VGLL4: variants seen among roughly 807,000 people sequenced by gnomAD.
VGLL4 encodes the protein vestigial like family member 4, also known as transcription cofactor vestigial-like protein 4.
In VGLL4, 7 loss-of-function variants were observed where a neutral mutation model predicts 21.0. The ratio of observed to expected loss-of-function variants is 0.33; its 90% CI spans 0.19 to 0.63. VGLL4 has a LOEUF of 0.63. VGLL4 is among the 20% of genes least tolerant of loss of function. The pLI is 0.78. For synonymous variants in VGLL4, 222 were observed against 173.2 expected (o/e 1.28, Z -2.21); for missense variants, 394 against 425.7 (o/e 0.93, Z 0.66).
rs1803489 is a variant in VGLL4, at chr3:11,643,483, C to T, written c.36G>A (p.Gln12=). ...TATTGTTGTTCATCTTGTCCAAGTA[C>T]TGATAGTTCAACAGGTCCATCTTCA... is the stretch of plus-strand genomic sequence containing the variant. The part of the protein sequence containing the change: ...LFMKMDLLNY[Q]YLDKMNNNIG... Residue 12 remains glutamine, a synonymous_variant, in exon 1 of 5, where the codon CAG becomes CAA. Coordinates refer to ENST00000430365, the MANE Select transcript of VGLL4 (RefSeq NM_001128219.3). 0.032 allele frequency: 52,198 copies of T among 1,613,804 alleles called. 3,064 individuals are homozygous for T. The highest frequency in any genetic ancestry group is 0.21 in the African/African-American group (16,018 of 74,932).
intron 2 of VGLL4, among the ~76,000 whole-genome samples, chr3:11,595,657 TA>T (rs1455242973): frequency 6.6e-6 from 1 of 152,032 alleles, no homozygotes. Context: ...TATGCAGCCA[TA>T]AAAAATGATG....
At chr3:11,592,242 T>C (rs1034446009) in intron 2 of VGLL4, among the ~76,000 whole-genome samples, 4 of 152,388 alleles carry the variant, frequency 2.6e-5, no homozygotes, top group East Asian at 1.9e-4. Flanking sequence ...AAGGTTACTA[T>C]TGGCTTGGGC....
chr3:11,621,234 A>G (rs945784116), intron 1 of VGLL4, among the ~76,000 whole-genome samples: 2 of 152,230 alleles, frequency 1.3e-5, no homozygotes, highest in South Asian at 2.1e-4. Context: ...CAATGTGTTT[A>G]TAATTGTGGG....
chr3:11,647,136 A>G (rs139664283), upstream of VGLL4, among the ~76,000 whole-genome samples: 1,398 of 152,324 alleles, frequency 9.2e-3, 8 homozygotes, highest in Non-Finnish European at 0.015. Flanking sequence ...GGCCAGCTAC[A>G]ACAGCCCGCC....
intron 2 of VGLL4, among the ~76,000 whole-genome samples, chr3:11,692,506 G>A (rs938470173): frequency 2.6e-5 from 4 of 152,144 alleles, no homozygotes; most frequent in African/African-American, 7.2e-5. Context: ...TGAAAGCGCC[G>A]ACTTTTAGAA....
chr3:11,625,935 G>A (rs1279128272), intron 1 of VGLL4, among the ~76,000 whole-genome samples: 1 of 152,086 alleles, frequency 6.6e-6, no homozygotes, highest in Non-Finnish European at 1.5e-5. Flanking sequence ...GTTTCTTCCG[G>A]GAGTGATGAA....
intron 2 of VGLL4, among the ~76,000 whole-genome samples, chr3:11,686,615 C>T (rs1230678101): frequency 6.6e-6 from 1 of 152,158 alleles, no homozygotes. Context: ...GTATTTAATA[C>T]CACTGAACTG....
At position 11,649,908 on chromosome 3, in the gene VGLL4, T is replaced by C. The variant is rs1384469945; in HGVS notation, c.65-47886A>G. On this transcript the variant is annotated intron_variant, in intron 2 of 5. Transcript: ENST00000273038. ...CACAAGTGCTCTATTTGGTTTGGTT[T>C]GGTTTGGTTTGGTTTGGTTTGGTTT... Among the ~76,000 whole-genome samples, 43 of 124,970 alleles carry C rather than the reference T, an allele frequency of 3.4e-4. No homozygotes were observed. In the South Asian group the frequency reaches 8.0e-3, roughly 23 times the overall value. 82.0% of individuals were successfully genotyped at this position (124,970 alleles called of 152,430 possible). A position where few individuals can be genotyped will look rare whatever the true frequency, so the allele number is the denominator to read the frequency against.
At chr3:11,666,248 CAAA>C (rs61052269) in intron 2 of VGLL4, among the ~76,000 whole-genome samples, 20 of 91,506 alleles carry the variant, frequency 2.2e-4, no homozygotes, top group Admixed American at 4.4e-4. Context: ...GACTGCGCCT[CAAA>C]AAAAAAAAAA....
At chr3:11,593,569 G>A (rs2074556028) in intron 2 of VGLL4, among the ~76,000 whole-genome samples, 1 of 142,520 alleles carries the variant, frequency 7.0e-6, no homozygotes, top group African/African-American at 2.7e-5. Flanking sequence ...ACAGGGCCAG[G>A]AAAAAACAAA....
chr3:11,716,384 G>C (rs1402419767), intron 1 of VGLL4, among the ~76,000 whole-genome samples: 9 of 151,772 alleles, frequency 5.9e-5, no homozygotes, highest in Admixed American at 5.9e-4. Context: ...TTTACAGCAT[G>C]AGAGCTCAAA....
At chr3:11,709,395 C>T (rs144638295) in intron 1 of VGLL4, among the ~76,000 whole-genome samples, 5 of 147,566 alleles carry the variant, frequency 3.4e-5, no homozygotes, top group African/African-American at 1.0e-4. Flanking sequence ...CGAGATTGCA[C>T]CATTGCACTC....
At chr3:11,591,453 G>GA (rs2074494106) in intron 2 of VGLL4, among the ~76,000 whole-genome samples, 1 of 152,272 alleles carries the variant, frequency 6.6e-6, no homozygotes, top group South Asian at 2.1e-4. Context: ...CGTTTGGCCA[G>GA]AAAAAATGCC....
At position 11,719,464 on chromosome 3, in the gene VGLL4, G is replaced by T. The variant is rs948401144; in HGVS notation, c.-14+930C>A. The T allele has an allele frequency of 6.6e-6, 1 of 151,352 alleles. No individual in the cohort carries two copies. The highest frequency in any genetic ancestry group is 1.5e-5 in the Non-Finnish European group (1 of 67,776). 9.4% of individuals were successfully genotyped at this position (151,352 alleles called of 1,614,324 possible). On this transcript the variant is annotated intron_variant, in intron 1 of 5. Transcript: ENST00000273038. The surrounding 1 kb of genome is among the most constrained non-coding windows in gnomAD (Gnocchi z 4.0). The stretch of plus-strand genomic sequence containing the variant: ...CCGCCTGGGGCCGGCCTGGCCCTGC[G>T]GGGGACCCAGGGGCGGGGACGGGAC...
chr3:11,594,597 C>G (rs920653719), intron 2 of VGLL4, among the ~76,000 whole-genome samples: 1 of 152,256 alleles, frequency 6.6e-6, no homozygotes, highest in African/African-American at 2.4e-5. Context: ...GAATGACTCT[C>G]ACAACCGATA....
chr3:11,609,277 G>A (rs1223353904), intron 1 of VGLL4, among the ~76,000 whole-genome samples: 1 of 152,142 alleles, frequency 6.6e-6, no homozygotes, highest in Non-Finnish European at 1.5e-5. Flanking sequence ...ATCTTCTAAA[G>A]TTAAGTTTCC....
At position 11,558,488 on chromosome 3, in the gene VGLL4, T is replaced by C; in HGVS notation, c.*68A>G. On this transcript the variant is annotated 3_prime_UTR_variant, in exon 5 of 5. Coordinates refer to ENST00000430365, the MANE Select transcript of VGLL4 (RefSeq NM_001128219.3). ...CCCACCCCCATGATTTTTTTTTTTTTAAGTACTGACTGTTCAAAGCTCAGG... is the reference window on the plus strand; with the variant it reads ...CCCACCCCCATGATTTTTTTTTTTTCAAGTACTGACTGTTCAAAGCTCAGG... 5.4e-6 allele frequency: 8 copies of C among 1,483,586 alleles called. No individual in the cohort carries two copies. The highest frequency in any genetic ancestry group is 7.2e-6 in the Non-Finnish European group (8 of 1,113,302). The allele number at this position is 1,483,586 out of a possible 1,614,324, so 91.9% of individuals were successfully genotyped here.
intron 1 of VGLL4, among the ~76,000 whole-genome samples, chr3:11,711,304 C>G (rs1341679971): frequency 6.6e-6 from 1 of 152,082 alleles, no homozygotes; most frequent in South Asian, 2.1e-4. Context: ...CTTTGGGAGG[C>G]TGAGGCGGGC....
intron 2 of VGLL4, among the ~76,000 whole-genome samples, chr3:11,673,882 G>A (rs960527036): frequency 4.6e-5 from 7 of 151,758 alleles, no homozygotes; most frequent in South Asian, 2.1e-4. Context: ...GCGTGGTAGC[G>A]GCGCCTATAA....
Sources: gnomAD v4.1 joint callset for allele counts (sites outside exome capture counted in the v4.1 genomes callset) on GRCh38, gnomAD v4.1.1 for gene constraint, Gnocchi (gnomAD v3.1) non-coding constraint, MANE v1.5 for transcripts, NCBI Gene and HGNC (gene_info 2026-07-23, HGNC 2026-07-21) for gene names.